The following NRF1 variants were observed in gnomAD, a reference collection of about 807,000 sequenced individuals.
NRF1 encodes nuclear respiratory factor 1, also known as alpha palindromic-binding protein.
A neutral mutation model predicts 58.5 loss-of-function variants in NRF1; 5 were observed. The observed-to-expected ratio is 0.09, with a 90% CI of 0.04 to 0.18. NRF1 has a LOEUF of 0.18. Ranked by LOEUF, NRF1 falls within the 10% of genes least tolerant of loss-of-function variation. The pLI is 1.00. For synonymous variants in NRF1, 224 were observed against 246.7 expected (o/e 0.91, Z 0.86); for missense variants, 288 against 657.7 (o/e 0.44, Z 6.15).
At chr7:129,637,275 A>T (rs565604268) in intron 1 of NRF1, among the ~76,000 whole-genome samples, 4 of 151,936 alleles carry the variant, frequency 2.6e-5, no homozygotes, top group East Asian at 1.9e-4. Flanking sequence ...AAGAAGAAGA[A>T]GATTCATTGG....
At chr7:129,717,458 T>C (rs2293629) in intron 9 of NRF1, 82 bp downstream of exon 9, 522,561 of 1,420,130 alleles carry the variant, frequency 0.37, 102,775 homozygotes, top group Non-Finnish European at 0.41. Context: ...AAGAGAAATG[T>C]GTCTCTGTTT....
At chr7:129,736,956 G>C (rs1308323036) in intron 10 of NRF1, among the ~76,000 whole-genome samples, 1 of 152,182 alleles carries the variant, frequency 6.6e-6, no homozygotes, top group South Asian at 2.1e-4. Context: ...GTAAAAATTA[G>C]GATAATGATA....
chr7:129,622,927 A>G (rs1182921712), intron 1 of NRF1, among the ~76,000 whole-genome samples: 2 of 152,206 alleles, frequency 1.3e-5, no homozygotes, highest in Non-Finnish European at 2.9e-5. Context: ...CACACTATCA[A>G]TTTATTTTTA....
At chr7:129,648,060 T>C (rs1236515649) in intron 1 of NRF1, among the ~76,000 whole-genome samples, 1 of 152,156 alleles carries the variant, frequency 6.6e-6, no homozygotes, top group Admixed American at 6.5e-5. Context: ...TACATTCATA[T>C]AATAAAAGAT....
At chr7:129,688,931 TTG>T (rs10552151) in intron 4 of NRF1, among the ~76,000 whole-genome samples, 136,375 of 150,974 alleles carry the variant, frequency 0.9, 61,389 homozygotes, top group East Asian at 0.94. Context: ...TAAGATTCAT[TTG>T]TGTGTGTGTG....
intron 1 of NRF1, among the ~76,000 whole-genome samples, chr7:129,620,911 A>G (rs565002751): frequency 3.1e-4 from 47 of 152,344 alleles, no homozygotes; most frequent in South Asian, 1.2e-3. Flanking sequence ...TTTTCTGACC[A>G]TGAAATGAAA....
At chr7:129,723,907 AAC>A (rs1295422905) in intron 9 of NRF1, among the ~76,000 whole-genome samples, 2 of 152,236 alleles carry the variant, frequency 1.3e-5, no homozygotes, top group Non-Finnish European at 2.9e-5. Flanking sequence ...ACCTTTACCT[AAC>A]ACAGTGTATA....
intron 9 of NRF1, among the ~76,000 whole-genome samples, chr7:129,725,664 G>A (rs1803435951): frequency 6.6e-6 from 1 of 152,046 alleles, no homozygotes; most frequent in African/African-American, 2.4e-5. Flanking sequence ...AAGATTAGAA[G>A]GAAATAATTA....
intron 5 of NRF1, among the ~76,000 whole-genome samples, chr7:129,702,692 A>AT (rs1156270940): frequency 6.6e-6 from 1 of 152,096 alleles, no homozygotes; most frequent in African/African-American, 2.4e-5. Flanking sequence ...AAAAATCTCC[A>AT]TTTTTCCTTC....
In NRF1 at chr7:129,717,317, C is replaced by T. The variant is rs766286938; in HGVS notation, c.1164C>T (p.Ala388=). 8.1e-6 allele frequency: 13 copies of T among 1,613,884 alleles called. No homozygotes were observed. The highest frequency in any genetic ancestry group is 1.6e-4 in the Middle Eastern group (1 of 6,080). The change falls in exon 9 of 11, where the codon GCC becomes GCT. Residue 388 remains alanine (A), a synonymous_variant. Coordinates refer to ENST00000393232, the MANE Select transcript of NRF1 (RefSeq NM_005011.5). ...AGGCGGTGGCATCGTTGGCAGAGGCCGCAGTGGCAGCTTCTCAGGAGATGC... is the reference window on the plus strand; with the variant it reads ...AGGCGGTGGCATCGTTGGCAGAGGCTGCAGTGGCAGCTTCTCAGGAGATGC... The part of the protein sequence containing the change: ...ATQAVASLAE[A]AVAASQEMQQ...
chr7:129,739,214 T>C (rs1373419993), intron 10 of NRF1, among the ~76,000 whole-genome samples: 1 of 152,216 alleles, frequency 6.6e-6, no homozygotes, highest in Non-Finnish European at 1.5e-5. Flanking sequence ...ATGTAAAAGG[T>C]AGTTATTAGT....
At chr7:129,753,544 G>C (rs1186219404) in intron 10 of NRF1, among the ~76,000 whole-genome samples, 1 of 152,114 alleles carries the variant, frequency 6.6e-6, no homozygotes, top group Non-Finnish European at 1.5e-5. Context: ...TGTAATTCTA[G>C]TTTCAGAAGG....
intron 10 of NRF1, among the ~76,000 whole-genome samples, chr7:129,736,695 C>A (rs1037779551): frequency 6.7e-6 from 1 of 150,264 alleles, no homozygotes; most frequent in Admixed American, 6.7e-5. Context: ...GAATGTGTAA[C>A]TAGACCAGAG....
intron 3 of NRF1, among the ~76,000 whole-genome samples, chr7:129,676,156 T>G (rs1802171735): frequency 6.6e-6 from 1 of 152,260 alleles, no homozygotes; most frequent in South Asian, 2.1e-4. Flanking sequence ...GTGGCTGGTT[T>G]GATCTTTTAT....
At chr7:129,640,125 G>T (rs1441448280) in intron 1 of NRF1, among the ~76,000 whole-genome samples, 2 of 152,196 alleles carry the variant, frequency 1.3e-5, no homozygotes, top group Non-Finnish European at 2.9e-5. Context: ...TGATGGTGGG[G>T]TTGAGGGTTG....
intron 2 of NRF1, among the ~76,000 whole-genome samples, chr7:129,665,112 G>A (rs902646581): frequency 6.6e-6 from 1 of 152,234 alleles, no homozygotes; most frequent in African/African-American, 2.4e-5. Flanking sequence ...CAGGCAGTTA[G>A]GTGTCAGCAA....
intron 5 of NRF1, among the ~76,000 whole-genome samples, chr7:129,693,985 AG>A (rs1474205721): frequency 1.9e-4 from 29 of 152,182 alleles, no homozygotes; most frequent in African/African-American, 6.8e-4. Context: ...ATCATTTTGG[AG>A]GTAAGACATT....
At chr7:129,625,842 T>C (rs555342690) in intron 1 of NRF1, among the ~76,000 whole-genome samples, 18 of 152,128 alleles carry the variant, frequency 1.2e-4, no homozygotes, top group Non-Finnish European at 2.1e-4. Context: ...CCACCACACC[T>C]GGCTAATTTT....
At chr7:129,717,052 T>C (rs1276590475) in intron 8 of NRF1, among the ~76,000 whole-genome samples, 167 bp from the exon 9 acceptor site, 5 of 152,232 alleles carry the variant, frequency 3.3e-5, no homozygotes, top group African/African-American at 2.4e-5. Context: ...ACCCCCTTTT[T>C]TATGCAAAAG....
Sources: allele counts gnomAD v4.1 joint callset (sites outside exome capture counted in the v4.1 genomes callset), GRCh38; gene constraint gnomAD v4.1.1; transcripts MANE v1.5; gene names NCBI Gene and HGNC (gene_info 2026-07-23, HGNC 2026-07-21).